Variants in ATG5 observed in about 807,000 individuals in gnomAD.
ATG5 encodes the protein autophagy protein 5.
Under a neutral mutation model 36.5 loss-of-function variants are expected in ATG5, and 14 were observed. The observed-to-expected ratio is 0.38, with a 90% CI of 0.25 to 0.60. The LOEUF is 0.60. Ranked by LOEUF, ATG5 falls within the 20% of genes least tolerant of loss-of-function variation. The probability of loss-of-function intolerance (pLI) is 0.60; values close to 1 mark genes in which losing one functional copy is unlikely to be tolerated. For synonymous variants in ATG5, 95 were observed against 101.5 expected (o/e 0.94, Z 0.38); for missense variants, 195 against 326.7 (o/e 0.60, Z 3.11).
chr6:106,259,947 T>C (rs1778948811), intron 5 of ATG5, among the ~76,000 whole-genome samples: 1 of 152,214 alleles, frequency 6.6e-6, no homozygotes. Context: ...GATGTGTTCA[T>C]GTCCTTTGCA....
At chr6:106,215,405 A>G (rs1776997180) in intron 6 of ATG5, among the ~76,000 whole-genome samples, 1 of 152,218 alleles carries the variant, frequency 6.6e-6, no homozygotes, top group Non-Finnish European at 1.5e-5. Flanking sequence ...GCTAAAGTTT[A>G]TAACATGGGA....
intron 6 of ATG5, among the ~76,000 whole-genome samples, chr6:106,204,870 T>C (rs1317213527): frequency 2.0e-5 from 3 of 152,202 alleles, no homozygotes; most frequent in Non-Finnish European, 4.4e-5. Flanking sequence ...TAATACATTC[T>C]TCAATTTAAA....
intron 5 of ATG5, among the ~76,000 whole-genome samples, chr6:106,272,936 A>G (rs1480204636): frequency 6.6e-6 from 1 of 152,252 alleles, no homozygotes; most frequent in Non-Finnish European, 1.5e-5. Context: ...GGAATGAAAA[A>G]TAATAGATGA....
intron 5 of ATG5, among the ~76,000 whole-genome samples, chr6:106,265,626 G>A (rs1779197508): frequency 6.6e-6 from 1 of 152,148 alleles, no homozygotes; most frequent in Non-Finnish European, 1.5e-5. Flanking sequence ...CTCTGCAAGT[G>A]CAAAATAATG....
Position 106,202,810 on chromosome 6 carries a change from C to A in ATG5, c.574-721G>T, listed in dbSNP as rs1461175973. On this transcript the variant is annotated intron_variant, in intron 6 of 7. Transcript: ENST00000369076. ...CCAAGTAGCTGGGACTACAGGAGTG[C>A]GCCACCATGTCCAGCTAACTTTTTG... Among the ~76,000 whole-genome samples, 3 of 152,078 alleles carry A rather than the reference C, an allele frequency of 2.0e-5. No homozygotes were observed. In the South Asian group the frequency reaches 6.2e-4, roughly 31 times the overall value.
At chr6:106,227,302 T>C (rs966205272) in intron 6 of ATG5, among the ~76,000 whole-genome samples, 3 of 152,110 alleles carry the variant, frequency 2.0e-5, no homozygotes, top group African/African-American at 7.2e-5. Context: ...CTGAAAGAAG[T>C]AGAATGTCTG....
In ATG5 at chr6:106,186,663, C is replaced by A. The variant is rs759096052; in HGVS notation, c.705G>T (p.Lys235Asn). ...CAATTCCATGAATCATCACTTGATT[C>A]TTTTTTTCCCCATCTATTCCAAGAA... ...SAIDPEDGEK[K>N]NQVMIHGIEP... The change falls in exon 8 of 8, where the codon AAG becomes AAT. Residue 235 changes from lysine to asparagine, a missense_variant. By Grantham distance (94) the Lys-to-Asn change is moderately conservative. Transcript: ENST00000369076. The A allele has an allele frequency of 7.4e-6, 12 of 1,613,178 alleles. No individual in the cohort carries two copies. Among genetic ancestry groups the A allele is most frequent in the Middle Eastern group, 1.7e-4 (1 of 6,056 alleles).
At chr6:106,298,778 G>GC (rs1562263184) in intron 3 of ATG5, among the ~76,000 whole-genome samples, 1 of 152,088 alleles carries the variant, frequency 6.6e-6, no homozygotes, top group Non-Finnish European at 1.5e-5. Flanking sequence ...AAACAAATAT[G>GC]CTATCTGAAT....
chr6:106,301,379 T>C (rs191129926), intron 3 of ATG5, among the ~76,000 whole-genome samples: 2 of 152,080 alleles, frequency 1.3e-5, no homozygotes, highest in East Asian at 1.9e-4. Flanking sequence ...ATATAAGCAA[T>C]TAGAGAGAAC....
In ATG5 at chr6:106,281,254, A is replaced by G. The variant is rs151011413; in HGVS notation, c.316-1431T>C. 2.2e-3 allele frequency among the ~76,000 whole-genome samples: 341 copies of G among 152,314 alleles called. 1 individual carries two copies. Among genetic ancestry groups the G allele is most frequent in the African/African-American group, 7.9e-3 (330 of 41,574 alleles). The stretch of plus-strand genomic sequence containing the variant: ...GTGAAATGCAGAAATCAAGAGTACA[A>G]TTAAATGAGTTTTGACAATGAGTAA... On this transcript the variant is annotated intron_variant, in intron 4 of 7. Coordinates refer to ENST00000369076, the MANE Select transcript of ATG5 (RefSeq NM_004849.4).
intron 3 of ATG5, among the ~76,000 whole-genome samples, chr6:106,301,727 TG>T (rs1313229819): frequency 1.3e-5 from 2 of 152,094 alleles, no homozygotes; most frequent in East Asian, 3.8e-4. Flanking sequence ...TTTGGAATAC[TG>T]TAAGTATATA....
chr6:106,264,822 C>CT (rs1283795486), intron 5 of ATG5, among the ~76,000 whole-genome samples: 2 of 152,052 alleles, frequency 1.3e-5, no homozygotes, highest in African/African-American at 4.8e-5. Context: ...CAGGCCTGCC[C>CT]TACAAGAGCT....
At chr6:106,234,600 G>A (rs564288903) in intron 6 of ATG5, among the ~76,000 whole-genome samples, 13 of 152,256 alleles carry the variant, frequency 8.5e-5, no homozygotes, top group Admixed American at 2.0e-4. Flanking sequence ...TTAGCCTATC[G>A]TTGTTTGAAT....
chr6:106,221,714 A>AC (rs990498444), intron 6 of ATG5, among the ~76,000 whole-genome samples: 29 of 151,648 alleles, frequency 1.9e-4, no homozygotes, highest in Admixed American at 1.7e-3. Context: ...AAAGAAAGAA[A>AC]AAAAAATCAA....
At chr6:106,319,447 A>C (rs1562274009) in intron 1 of ATG5, among the ~76,000 whole-genome samples, 1 of 152,184 alleles carries the variant, frequency 6.6e-6, no homozygotes, top group South Asian at 2.1e-4. Flanking sequence ...AGAATAATGG[A>C]CTTTTAAAAA....
At chr6:106,288,843 C>G (rs1031393848) in intron 4 of ATG5, among the ~76,000 whole-genome samples, 3 of 152,218 alleles carry the variant, frequency 2.0e-5, no homozygotes, top group African/African-American at 7.2e-5. Context: ...TCACAAACAT[C>G]AAAGTCAGTT....
chr6:106,210,150 A>G (rs1323846608), intron 6 of ATG5, among the ~76,000 whole-genome samples: 1 of 152,202 alleles, frequency 6.6e-6, no homozygotes, highest in African/African-American at 2.4e-5. Context: ...AGTGACTCTC[A>G]ACACAAATGA....
chr6:106,205,263 A>T (rs571428494), intron 6 of ATG5, among the ~76,000 whole-genome samples: 1 of 152,332 alleles, frequency 6.6e-6, no homozygotes, highest in South Asian at 2.1e-4. Flanking sequence ...GACTGTACCC[A>T]CAACTCAAAG....
intron 6 of ATG5, among the ~76,000 whole-genome samples, chr6:106,215,070 T>C (rs549050388): frequency 1.3e-5 from 2 of 152,354 alleles, no homozygotes; most frequent in Admixed American, 1.3e-4. Flanking sequence ...ACAAAAAGAA[T>C]GTAATTAATA....
Sources: gnomAD v4.1 joint callset for allele counts (sites outside exome capture counted in the v4.1 genomes callset) on GRCh38, gnomAD v4.1.1 for gene constraint, MANE v1.5 for transcripts, NCBI Gene and HGNC (gene_info 2026-07-23, HGNC 2026-07-21) for gene names.